Variants in PELI2 observed in about 807,000 individuals in gnomAD.
PELI2 encodes the protein E3 ubiquitin-protein ligase pellino homolog 2.
In PELI2, 23 loss-of-function variants were observed where a neutral mutation model predicts 42.3. The observed-to-expected ratio is 0.54, with a 90% CI of 0.39 to 0.77. PELI2 has a LOEUF of 0.77. Ranked by LOEUF, PELI2 falls within the 30% of genes least tolerant of loss-of-function variation. The pLI, the probability that PELI2 is intolerant of heterozygous loss-of-function variation, is 0.00. For synonymous variants in PELI2, 245 were observed against 212.2 expected (o/e 1.15, Z -1.34); for missense variants, 463 against 553.2 (o/e 0.84, Z 1.64).
At chr14:56,242,520 A>G (rs1888010663) in intron 2 of PELI2, among the ~76,000 whole-genome samples, 2 of 152,230 alleles carry the variant, frequency 1.3e-5, no homozygotes, top group African/African-American at 4.8e-5. Context: ...AAAGGAAAAG[A>G]AGTCATTCTA....
chr14:56,129,736 C>T (rs576075885), intron 1 of PELI2, among the ~76,000 whole-genome samples: 1 of 152,318 alleles, frequency 6.6e-6, no homozygotes, highest in African/African-American at 2.4e-5. Flanking sequence ...GTCCCTCTGC[C>T]TTGGGGTCTT....
chr14:56,284,954 G>A (rs891013150), intron 3 of PELI2, among the ~76,000 whole-genome samples: 24 of 152,334 alleles, frequency 1.6e-4, no homozygotes, highest in Middle Eastern at 3.4e-3. Flanking sequence ...GAACTCAGAT[G>A]GACTTGGAAG....
chr14:56,166,055 CTTCTT>C (rs1884949996), intron 1 of PELI2, among the ~76,000 whole-genome samples: 1 of 152,004 alleles, frequency 6.6e-6, no homozygotes, highest in African/African-American at 2.4e-5. Context: ...TCTTCTCTTC[CTTCTT>C]TTCTTCTTGT....
intron 1 of PELI2, among the ~76,000 whole-genome samples, chr14:56,123,431 A>G (rs1333810953): frequency 6.6e-6 from 1 of 152,236 alleles, no homozygotes. Context: ...GTAGCTCAGC[A>G]TGTGGGGTGA....
At chr14:56,188,571 C>A (rs1049161140) in intron 2 of PELI2, among the ~76,000 whole-genome samples, 1 of 152,048 alleles carries the variant, frequency 6.6e-6, no homozygotes, top group Non-Finnish European at 1.5e-5. Context: ...AAATTTAACC[C>A]TTCTATTGTC....
intron 5 of PELI2, among the ~76,000 whole-genome samples, chr14:56,291,516 TA>T (rs201811872): frequency 6.6e-6 from 1 of 150,940 alleles, no homozygotes; most frequent in Non-Finnish European, 1.5e-5. Context: ...AAGCATTTTC[TA>T]AAAAAAAAGC....
intron 1 of PELI2, among the ~76,000 whole-genome samples, chr14:56,166,325 A>G (rs1270376769): frequency 6.6e-6 from 1 of 152,172 alleles, no homozygotes; most frequent in Non-Finnish European, 1.5e-5. Flanking sequence ...GTCTTATTGT[A>G]CTGACTATGT....
chr14:56,129,569 T>G (rs1023060559), intron 1 of PELI2, among the ~76,000 whole-genome samples: 7 of 152,158 alleles, frequency 4.6e-5, no homozygotes, highest in African/African-American at 1.7e-4. Context: ...GGGTCCTGAG[T>G]GCTTTGTCCC....
chr14:56,254,174 G>T (rs915760339), intron 2 of PELI2, among the ~76,000 whole-genome samples: 4 of 152,194 alleles, frequency 2.6e-5, no homozygotes, highest in African/African-American at 9.7e-5. Context: ...GCCAAGGCAG[G>T]CAGATCACGA....
At chr14:56,234,089 A>T (rs974861196) in intron 2 of PELI2, among the ~76,000 whole-genome samples, 3 of 152,236 alleles carry the variant, frequency 2.0e-5, no homozygotes, top group Admixed American at 1.3e-4. Flanking sequence ...ATCATTAAAA[A>T]GTCAGGAAAC....
chr14:56,180,340 A>G lies in PELI2; in HGVS notation c.207+1876A>G, dbSNP rs1399399369. 2.0e-5 allele frequency among the ~76,000 whole-genome samples: 3 copies of G among 152,360 alleles called. No individual in the cohort carries two copies. The East Asian group carries it at 5.8e-4, about 29-fold the overall frequency. On this transcript the variant is annotated intron_variant, in intron 2 of 5. Transcript: ENST00000267460. The surrounding 1 kb of genome is among the most constrained non-coding windows in gnomAD (Gnocchi z 4.4). ...GAAATTATTCTGGCTAAGATAAAAC[A>G]GACAAAAGTAAGATAAATTATTATA...
chr14:56,190,739 G>T (rs1451870846), intron 2 of PELI2, among the ~76,000 whole-genome samples: 1 of 152,126 alleles, frequency 6.6e-6, no homozygotes, highest in East Asian at 1.9e-4. Flanking sequence ...TATTCATTCT[G>T]TTAGCCAATA....
intron 1 of PELI2, among the ~76,000 whole-genome samples, chr14:56,126,060 C>G (rs1028071913): frequency 1.3e-5 from 2 of 152,200 alleles, no homozygotes; most frequent in Non-Finnish European, 2.9e-5. Context: ...TAAACATGTG[C>G]TTTACTGACA....
chr14:56,119,081 C>G, intron 1 of PELI2: 1 of 147,142 alleles, frequency 6.8e-6, no homozygotes, highest in Non-Finnish European at 1.5e-5. Context: ...GCGCCGCGTC[C>G]GGGCCGGGGA....
At chr14:56,284,541 T>TGTTTG (rs1002036055) in intron 3 of PELI2, among the ~76,000 whole-genome samples, 2 of 152,224 alleles carry the variant, frequency 1.3e-5, no homozygotes, top group Non-Finnish European at 2.9e-5. Context: ...TTTGGTTTTT[T>TGTTTG]GTTTGGTTTG....
intron 2 of PELI2, among the ~76,000 whole-genome samples, chr14:56,214,672 G>A (rs945220594): frequency 1.3e-5 from 2 of 152,164 alleles, no homozygotes; most frequent in Non-Finnish European, 2.9e-5. Context: ...AACCTCTAGA[G>A]TTTGGAAGCT....
intron 2 of PELI2, among the ~76,000 whole-genome samples, chr14:56,258,971 G>A (rs1310573047): frequency 1.3e-5 from 2 of 151,818 alleles, no homozygotes; most frequent in African/African-American, 2.4e-5. Context: ...AAGAAAAAAG[G>A]CAATATGCAC....
At chr14:56,263,479 A>G (rs1004443864) in intron 2 of PELI2, among the ~76,000 whole-genome samples, 4 of 152,200 alleles carry the variant, frequency 2.6e-5, no homozygotes, top group Non-Finnish European at 4.4e-5. Context: ...AAATGAGAAA[A>G]TGATTGCCAC....
rs1158328418 is a variant in PELI2 at position 56,301,261 on chromosome 14, C to T, written c.*4095C>T. The T allele has an allele frequency of 3.3e-5, 5 of 152,600 alleles. No individual in the cohort carries two copies. Among genetic ancestry groups the T allele is most frequent in the East Asian group, 1.9e-4 (1 of 5,194 alleles). The allele number at this position is 152,600 out of a possible 1,614,324, so 9.5% of individuals were successfully genotyped here. On this transcript the variant is annotated 3_prime_UTR_variant, in exon 6 of 6. Coordinates refer to ENST00000267460, the MANE Select transcript of PELI2 (RefSeq NM_021255.3). ...ACCTGTGGAAATACAAGCCATTTTA[C>T]AGGAAAAAATCTTCAAAAACTATTA...
Sources: allele counts gnomAD v4.1 joint callset (sites outside exome capture counted in the v4.1 genomes callset), GRCh38; gene constraint gnomAD v4.1.1; non-coding constraint Gnocchi (gnomAD v3.1); transcripts MANE v1.5; gene names NCBI Gene and HGNC (gene_info 2026-07-23, HGNC 2026-07-21).